CLUAP1: variants seen among roughly 807,000 people sequenced by gnomAD.
CLUAP1 encodes clusterin-associated protein 1.
In CLUAP1, 50 loss-of-function variants were observed where a neutral mutation model predicts 55.0. The observed-to-expected ratio is 0.91, with a 90% confidence interval of 0.72 to 1.15. The LOEUF is 1.15. CLUAP1 is among the 50% of genes most tolerant of loss of function. CLUAP1 has a pLI of 0.00. For missense variants in CLUAP1, 530 were observed against 507.6 expected (o/e 1.04, Z -0.42); for synonymous variants, 195 against 175.4 (o/e 1.11, Z -0.88).
intron 11 of CLUAP1, chr16:3,533,247 C>G (rs973232613): frequency 3.0e-6 from 3 of 996,498 alleles, no homozygotes; most frequent in Non-Finnish European, 4.5e-6. Context: ...GATGCTTCCT[C>G]TCTCCTGGGC....
At position 3,515,550 on chromosome 16, in the gene CLUAP1, G is replaced by C. The variant is rs1011011156; in HGVS notation, c.538G>C (p.Glu180Gln). Residue 180 changes from glutamate to glutamine, a missense_variant, in exon 6 of 12, where the codon GAG (glutamate) becomes CAG (glutamine). Physicochemically the swap from Glu to Gln is conservative, Grantham distance 29. Coordinates refer to ENST00000576634, the MANE Select transcript of CLUAP1 (RefSeq NM_015041.3). Reference sequence around the variant, plus strand: ...CATTGCCAGACCTCTGGAAATAAACGAGACTGAAAAAGTGATGAGAATTGC... The same window carrying C: ...CATTGCCAGACCTCTGGAAATAAACCAGACTGAAAAAGTGATGAGAATTGC... ...EAIARPLEIN[E>Q]TEKVMRIAIK... The C allele has an allele frequency of 1.2e-6, 2 of 1,600,678 alleles. No homozygotes were observed. The highest frequency in any genetic ancestry group is 1.7e-6 in the Non-Finnish European group (2 of 1,176,506).
At chr16:3,500,311 A>G (rs981535925), upstream of CLUAP1, among the ~76,000 whole-genome samples, 4 of 151,230 alleles carry the variant, frequency 2.6e-5, no homozygotes, top group South Asian at 2.1e-4. Flanking sequence ...CCAGATTCCG[A>G]CGAGGAGCGC....
intron 5 of CLUAP1, among the ~76,000 whole-genome samples, chr16:3,515,194 TAAAA>T (rs56325117): frequency 3.5e-5 from 5 of 141,424 alleles, no homozygotes; most frequent in African/African-American, 7.8e-5. Context: ...TATCTCTATT[TAAAA>T]AAAAAAAAAA....
intron 4 of CLUAP1, among the ~76,000 whole-genome samples, chr16:3,512,047 G>A (rs537744739): frequency 2.0e-4 from 30 of 152,100 alleles, no homozygotes; most frequent in Non-Finnish European, 3.8e-4. Flanking sequence ...TTAGCCGGGC[G>A]TGGTGGCACA....
chr16:3,528,442 C>A (rs772081200), intron 9 of CLUAP1, among the ~76,000 whole-genome samples: 4 of 152,202 alleles, frequency 2.6e-5, no homozygotes, highest in Non-Finnish European at 4.4e-5. Context: ...GCTGGGAAAT[C>A]CTCCAGGAAC....
rs971753093 is a variant in CLUAP1, at chr16:3,537,132, G to A, written c.*861G>A. The stretch of plus-strand genomic sequence containing the variant: ...AAAGGAGCTTTGTTTTGTCTAAAGT[G>A]TGGCAAGACATAGTGCACAACACAG... On this transcript the variant is annotated 3_prime_UTR_variant, in exon 12 of 12. Transcript: ENST00000576634. 1 of 152,212 alleles carries A rather than the reference G, an allele frequency of 6.6e-6. No individual in the cohort carries two copies. 9.4% of individuals were successfully genotyped at this position (152,212 alleles called of 1,614,324 possible). A position where few individuals can be genotyped will look rare whatever the true frequency, so the allele number is the denominator to read the frequency against.
At chr16:3,533,041 T>C in intron 11 of CLUAP1, 200 bp downstream of exon 11, 2 of 1,473,582 alleles carry the variant, frequency 1.4e-6, no homozygotes, top group South Asian at 2.4e-5. Context: ...TTCAAGTGAA[T>C]GTGCTTGCTC....
chr16:3,504,284 C>T (rs1221924147), intron 1 of CLUAP1, among the ~76,000 whole-genome samples: 2 of 152,326 alleles, frequency 1.3e-5, no homozygotes, highest in East Asian at 3.9e-4. Flanking sequence ...TGTCATCCTA[C>T]GGATTCCCCT....
At position 3,538,281 on chromosome 16, in the gene CLUAP1, C is replaced by G. The variant is rs1205389182; in HGVS notation, c.*2010C>G. The G allele has an allele frequency of 6.6e-6, 1 of 151,012 alleles. No individual in the cohort carries two copies. Among genetic ancestry groups the G allele is most frequent in the East Asian group, 1.9e-4 (1 of 5,146 alleles). 9.4% of individuals were successfully genotyped at this position (151,012 alleles called of 1,614,324 possible). ...ATTTCTGTCATTTTTGCTTTTTTCT[C>G]TTTCTTTTCCTAAATTTTATGTATA... On this transcript the variant is annotated 3_prime_UTR_variant, in exon 12 of 12. Transcript: ENST00000576634.
the CLUAP1 span, among the ~76,000 whole-genome samples, chr16:3,495,925 G>T: frequency 6.6e-6 from 1 of 152,124 alleles, no homozygotes; most frequent in African/African-American, 2.4e-5. Flanking sequence ...CGGATCATGA[G>T]GTCAGGAGAT....
At chr16:3,517,169 G>A (rs545988218) in intron 6 of CLUAP1, among the ~76,000 whole-genome samples, 1 of 149,874 alleles carries the variant, frequency 6.7e-6, no homozygotes, top group East Asian at 1.9e-4. Flanking sequence ...CTGTTGCCCA[G>A]GCTGGAGTAC....
chr16:3,528,115 C>T (rs2037983134), intron 9 of CLUAP1, among the ~76,000 whole-genome samples: 1 of 152,206 alleles, frequency 6.6e-6, no homozygotes, highest in Non-Finnish European at 1.5e-5. Flanking sequence ...CCCTACATCC[C>T]TGAACTTCAG....
chr16:3,507,878 C>T (rs1004160849), intron 3 of CLUAP1, among the ~76,000 whole-genome samples: 4 of 152,054 alleles, frequency 2.6e-5, no homozygotes, highest in African/African-American at 4.8e-5. Flanking sequence ...ATTCTGTTTA[C>T]GCCTGAGTGG....
At position 3,525,655 on chromosome 16, in the gene CLUAP1, C is replaced by A. The variant is rs200057261; in HGVS notation, c.856-757C>A. Among the ~76,000 whole-genome samples the A allele has an allele frequency of 5.9e-5, 9 of 152,184 alleles. No individual in the cohort carries two copies. The East Asian group carries it at 1.4e-3, about 23-fold the overall frequency. On this transcript the variant is annotated intron_variant, in intron 8 of 11. Transcript: ENST00000576634. ...TATAACTCACTGTAGCTTCAGACCTCTTGGGCTCAAGCGATCCTCCCACCT... is the reference window on the plus strand; with the variant it reads ...TATAACTCACTGTAGCTTCAGACCTATTGGGCTCAAGCGATCCTCCCACCT...
At chr16:3,533,392 A>G (rs2038168299) in intron 11 of CLUAP1, 3 of 540,144 alleles carry the variant, frequency 5.6e-6, no homozygotes, top group Non-Finnish European at 1.0e-5. Flanking sequence ...CTGGGCCGCC[A>G]CCTAGAAATG....
At chr16:3,515,834 TTA>T (rs1394288952) in intron 6 of CLUAP1, among the ~76,000 whole-genome samples, 1 of 152,232 alleles carries the variant, frequency 6.6e-6, no homozygotes, top group Non-Finnish European at 1.5e-5. Context: ...AATTTGATAA[TTA>T]TCAGTTATTC....
rs2038241638 is a variant in CLUAP1 at position 3,536,838 on chromosome 16, A to G, written c.*567A>G. ...TATTTTAATAACTAAACTTTTCTGAAAGAAGGTTAGCTAAAGTTAAATGAA... is the reference window on the plus strand; with the variant it reads ...TATTTTAATAACTAAACTTTTCTGAGAGAAGGTTAGCTAAAGTTAAATGAA... On this transcript the variant is annotated 3_prime_UTR_variant, in exon 12 of 12. Coordinates refer to ENST00000576634, the MANE Select transcript of CLUAP1 (RefSeq NM_015041.3). 6.6e-6 allele frequency: 1 copy of G among 152,252 alleles called. No individual in the cohort carries two copies. Among genetic ancestry groups the G allele is most frequent in the African/African-American group, 2.4e-5 (1 of 41,450 alleles). The allele number at this position is 152,252 out of a possible 1,614,324, so 9.4% of individuals were successfully genotyped here.
At chr16:3,532,984 C>G in intron 11 of CLUAP1, 143 bp downstream of exon 11, 7 of 1,331,626 alleles carry the variant, frequency 5.3e-6, no homozygotes, top group Non-Finnish European at 7.4e-6. Context: ...AGGGTTTGGC[C>G]TCATGAGGCT....
Position 3,523,309 on chromosome 16 carries a change from G to A in CLUAP1, c.855+10G>A. 6.2e-7 allele frequency: 1 copy of A among 1,605,654 alleles called. No individual in the cohort carries two copies. Among genetic ancestry groups the A allele is most frequent in the Non-Finnish European group, 8.5e-7 (1 of 1,177,190 alleles). ...GCAAGAAAGGTTTGAGGTGAGCTGA[G>A]CCTGTCCTCTGTTCAGCCATTCCTT... is the stretch of plus-strand genomic sequence containing the variant. On this transcript the variant is annotated intron_variant, in intron 8 of 11. Transcript: ENST00000576634.
Sources: gnomAD v4.1 joint callset for allele counts (sites outside exome capture counted in the v4.1 genomes callset) on GRCh38, gnomAD v4.1.1 for gene constraint, MANE v1.5 for transcripts, NCBI Gene and HGNC (gene_info 2026-07-23, HGNC 2026-07-21) for gene names.